NPTN: variants seen among roughly 807,000 people sequenced by gnomAD.
NPTN encodes neuroplastin.
Under a neutral mutation model 42.7 loss-of-function variants are expected in NPTN, and 5 were observed. That is an observed-to-expected ratio of 0.12 (90% confidence interval 0.06 to 0.25). The LOEUF (loss-of-function observed/expected upper bound fraction) is 0.25, where lower values mean the gene tolerates loss of function less well. Ranked by LOEUF, NPTN falls within the 10% of genes least tolerant of loss-of-function variation. NPTN has a pLI of 1.00. For missense variants in NPTN, 307 were observed against 525.4 expected, an observed-to-expected ratio of 0.58 and a Z score of 4.06; for synonymous variants, 180 against 201.9, an observed-to-expected ratio of 0.89 and a Z score of 0.92.
intron 4 of NPTN, among the ~76,000 whole-genome samples, chr15:73,583,379 CTG>C (rs1349792359): frequency 6.6e-6 from 1 of 152,160 alleles, no homozygotes; most frequent in Non-Finnish European, 1.5e-5. Flanking sequence ...CCAGTTAACT[CTG>C]TGACACTGGG....
chr15:73,628,536 C>T (rs1898552561), intron 1 of NPTN, among the ~76,000 whole-genome samples: 1 of 152,190 alleles, frequency 6.6e-6, no homozygotes, highest in African/African-American at 2.4e-5. Context: ...CTCACTGTTT[C>T]TCTACATACT....
intron 1 of NPTN, among the ~76,000 whole-genome samples, chr15:73,621,892 G>C (rs1443952773): frequency 6.6e-6 from 1 of 151,878 alleles, no homozygotes; most frequent in East Asian, 1.9e-4. Flanking sequence ...ATTCTTATAG[G>C]CACCACTCCT....
chr15:73,570,453 AGAGT>A lies in NPTN; in HGVS notation c.841-34_841-31del, dbSNP rs767560112. On this transcript the variant is annotated intron_variant, in intron 5 of 8. Coordinates refer to ENST00000345330, the MANE Select transcript of NPTN (RefSeq NM_012428.4). The surrounding 1 kb of genome is among the most constrained non-coding windows in gnomAD (Gnocchi z 4.0). ...AAAAAAGTGAGAATACACAAAGGTG[AGAGT>A]GAGTAACTGAGCTAATGTTCAAGAG... 6.3e-7 allele frequency: 1 copy of A among 1,595,568 alleles called. No homozygotes were observed. The highest frequency in any genetic ancestry group is 8.6e-7 in the Non-Finnish European group (1 of 1,168,738).
chr15:73,589,458 T>A (rs1896483219), intron 3 of NPTN, among the ~76,000 whole-genome samples: 1 of 152,110 alleles, frequency 6.6e-6, no homozygotes, highest in African/African-American at 2.4e-5. Context: ...CTCAGTACAC[T>A]CTGGCCTACA....
chr15:73,616,381 C>A (rs556999541), intron 1 of NPTN, among the ~76,000 whole-genome samples: 9 of 152,234 alleles, frequency 5.9e-5, no homozygotes, highest in African/African-American at 2.2e-4. Flanking sequence ...ATCTAATTAA[C>A]AACAACAAAC....
chr15:73,615,238 T>C (rs1029225533), intron 1 of NPTN, among the ~76,000 whole-genome samples: 11 of 151,940 alleles, frequency 7.2e-5, no homozygotes, highest in African/African-American at 2.4e-4. Flanking sequence ...ACTTTTTAAC[T>C]ATTCTTAAAA....
intron 6 of NPTN, among the ~76,000 whole-genome samples, chr15:73,564,591 C>T (rs536059869): frequency 2.0e-5 from 3 of 152,298 alleles, no homozygotes; most frequent in Admixed American, 6.5e-5. Context: ...CACTATCAAA[C>T]GGGTACAGAG....
intron 4 of NPTN, among the ~76,000 whole-genome samples, chr15:73,581,124 C>T (rs564457047): frequency 1.3e-5 from 2 of 152,204 alleles, no homozygotes; most frequent in East Asian, 3.9e-4. Context: ...ATGTGCTCTC[C>T]CCATTTGCTG....
At chr15:73,587,043 A>T (rs1427134241) in intron 4 of NPTN, among the ~76,000 whole-genome samples, 1 of 152,132 alleles carries the variant, frequency 6.6e-6, no homozygotes, top group Non-Finnish European at 1.5e-5. Flanking sequence ...TTATCCACAA[A>T]CAGCTGATGT....
chr15:73,606,525 G>A (rs1402398643), intron 1 of NPTN, among the ~76,000 whole-genome samples: 2 of 152,146 alleles, frequency 1.3e-5, no homozygotes, highest in African/African-American at 4.8e-5. Context: ...AGTTATTAAT[G>A]AAAGGTCTGG....
rs1455330735 is a variant in NPTN, at chr15:73,560,093, AAC to A, written c.*968_*969del. 1 of 539,048 alleles carries A rather than the reference AAC, an allele frequency of 1.9e-6. No homozygotes were observed. The allele number at this position is 539,048 out of a possible 1,614,324, so 33.4% of individuals were successfully genotyped here. On this transcript the variant is annotated 3_prime_UTR_variant, in exon 9 of 9. Transcript: ENST00000345330. ...TCATTGCACTTCAATAATTACACAA[AAC>A]ACACAAGTACATGCATCTACAATTA...
intron 1 of NPTN, among the ~76,000 whole-genome samples, chr15:73,623,091 AG>A (rs1898215443): frequency 1.3e-5 from 2 of 152,238 alleles, no homozygotes. Context: ...ACCATATAAA[AG>A]AAAAAGCTTA....
intron 1 of NPTN, among the ~76,000 whole-genome samples, chr15:73,598,472 T>C (rs771619347): frequency 4.9e-5 from 7 of 142,688 alleles, no homozygotes; most frequent in Non-Finnish European, 7.7e-5. Context: ...CAGAAAGAGT[T>C]AAAAAAAAAA....
At chr15:73,621,871 C>T (rs752815862) in intron 1 of NPTN, among the ~76,000 whole-genome samples, 7 of 152,064 alleles carry the variant, frequency 4.6e-5, no homozygotes, top group South Asian at 4.1e-4. Flanking sequence ...TTCCACTGTT[C>T]GAGTCCTCTT....
chr15:73,601,928 T>TGGGGATG (rs1897101112), intron 1 of NPTN, among the ~76,000 whole-genome samples: 1 of 151,812 alleles, frequency 6.6e-6, no homozygotes, highest in Admixed American at 6.6e-5. Flanking sequence ...ATTGCATAAC[T>TGGGGATG]GGGGATGGGG....
In NPTN at chr15:73,610,084, CTTTT is replaced by C. The variant is rs879423213; in HGVS notation, c.92-12719_92-12716del. ...CCTCACCTTCCTGTTCTACTTTTTACTTTTTTTTTTCTTTTTTTAGAGACAGGGT... is the reference window on the plus strand; with the variant it reads ...CCTCACCTTCCTGTTCTACTTTTTACTTTTTTCTTTTTTTAGAGACAGGGT... On this transcript the variant is annotated intron_variant, in intron 1 of 8. Coordinates refer to ENST00000345330, the MANE Select transcript of NPTN (RefSeq NM_012428.4). Among the ~76,000 whole-genome samples the C allele has an allele frequency of 1.8e-3, 265 of 149,468 alleles. 2 individuals are homozygous for C. The highest frequency in any genetic ancestry group is 3.4e-3 in the Middle Eastern group (1 of 292).
At chr15:73,576,125 A>G (rs948648627) in intron 4 of NPTN, among the ~76,000 whole-genome samples, 1 of 152,166 alleles carries the variant, frequency 6.6e-6, no homozygotes, top group Admixed American at 6.5e-5. Context: ...ATAGCCACAC[A>G]GGACCCAGCA....
intron 2 of NPTN, among the ~76,000 whole-genome samples, chr15:73,593,992 A>G (rs560292156): frequency 1.3e-5 from 2 of 152,326 alleles, no homozygotes; most frequent in East Asian, 1.9e-4. Flanking sequence ...TGGAAGGCGC[A>G]CACACACCAT....
At chr15:73,572,947 G>T (rs1895492406) in intron 5 of NPTN, among the ~76,000 whole-genome samples, 1 of 152,042 alleles carries the variant, frequency 6.6e-6, no homozygotes, top group South Asian at 2.1e-4. Context: ...ATTCTCATGA[G>T]ACCCGGTTGT....
Sources: allele counts gnomAD v4.1 joint callset (sites outside exome capture counted in the v4.1 genomes callset), GRCh38; gene constraint gnomAD v4.1.1; non-coding constraint Gnocchi (gnomAD v3.1); transcripts MANE v1.5; gene names NCBI Gene and HGNC (gene_info 2026-07-23, HGNC 2026-07-21).